CTIF: variants seen among roughly 807,000 people sequenced by gnomAD.
CTIF encodes the protein CBP80/20-dependent translation initiation factor.
CTIF carries 21 observed loss-of-function variants against 66.0 expected under a neutral mutation model. That is an observed-to-expected ratio of 0.32 (90% CI 0.23 to 0.46). The LOEUF (loss-of-function observed/expected upper bound fraction) is 0.46. Among genes scored for constraint, CTIF ranks in the 20% least tolerant of loss-of-function variants. CTIF has a pLI of 1.00. For synonymous variants in CTIF, 345 were observed against 326.4 expected, an observed-to-expected ratio of 1.06 and a Z score of -0.62; for missense variants, 739 against 812.7, an observed-to-expected ratio of 0.91 and a Z score of 1.10.
At chr18:48,853,935 T>G (rs1474638496) in intron 10 of CTIF, among the ~76,000 whole-genome samples, 1 of 152,210 alleles carries the variant, frequency 6.6e-6, no homozygotes, top group African/African-American at 2.4e-5. Context: ...ATGCCCAGAT[T>G]AAAACTTTGG....
At chr18:48,787,661 G>A (rs893309626) in intron 9 of CTIF, among the ~76,000 whole-genome samples, 4 of 152,144 alleles carry the variant, frequency 2.6e-5, no homozygotes, top group Non-Finnish European at 4.4e-5. Context: ...GAAGAGGCAG[G>A]GTGTGTGTCA....
intron 1 of CTIF, among the ~76,000 whole-genome samples, chr18:48,547,399 G>A (rs530931277): frequency 9.2e-5 from 14 of 152,276 alleles, no homozygotes; most frequent in Admixed American, 4.6e-4. Context: ...GCACTACATT[G>A]TCTTCCCATG....
intron 6 of CTIF, among the ~76,000 whole-genome samples, chr18:48,674,724 G>C (rs1158656638): frequency 6.6e-6 from 1 of 152,200 alleles, no homozygotes; most frequent in African/African-American, 2.4e-5. Flanking sequence ...AGGATGTGGG[G>C]CAACAGGGTA....
intron 3 of CTIF, among the ~76,000 whole-genome samples, chr18:48,661,524 G>C (rs1419385207): frequency 6.6e-6 from 1 of 152,084 alleles, no homozygotes; most frequent in African/African-American, 2.4e-5. Flanking sequence ...CCCCTTGGGG[G>C]TTGTGTGATA....
intron 9 of CTIF, among the ~76,000 whole-genome samples, chr18:48,800,058 A>C (rs1261052313): frequency 6.6e-6 from 1 of 152,252 alleles, no homozygotes; most frequent in African/African-American, 2.4e-5. Flanking sequence ...AAGGAGGTGC[A>C]TGTGCACCAG....
chr18:48,765,412 A>G (rs1278674724), intron 9 of CTIF, among the ~76,000 whole-genome samples: 1 of 152,050 alleles, frequency 6.6e-6, no homozygotes, highest in African/African-American at 2.4e-5. Context: ...GCCCCGGCTT[A>G]GCAATGCAGG....
rs1047856931 is a variant in CTIF at position 48,752,614 on chromosome 18, G to A, written c.585-5305G>A. Among the ~76,000 whole-genome samples, 6 of 152,148 alleles carry A rather than the reference G, an allele frequency of 3.9e-5. No individual in the cohort carries two copies. In the East Asian group the frequency reaches 1.2e-3, roughly 29 times the overall value. ...TGTGACTCATGTAATCCTTACAACT[G>A]CCCCTCAGGTGGGGACTGGCACATC... On this transcript the variant is annotated intron_variant, in intron 7 of 11. Coordinates refer to ENST00000256413, the MANE Select transcript of CTIF (RefSeq NM_014772.3).
chr18:48,715,813 G>A (rs572555989), intron 7 of CTIF, among the ~76,000 whole-genome samples: 1 of 152,356 alleles, frequency 6.6e-6, no homozygotes, highest in East Asian at 1.9e-4. Flanking sequence ...AAAAGAGGAA[G>A]TGGTATCAGC....
At chr18:48,561,513 C>T (rs2089163746) in intron 1 of CTIF, among the ~76,000 whole-genome samples, 1 of 152,158 alleles carries the variant, frequency 6.6e-6, no homozygotes. Flanking sequence ...AGACCCTTCT[C>T]AGAGAAACTC....
chr18:48,712,156 G>T (rs1039995392), intron 7 of CTIF, among the ~76,000 whole-genome samples: 4 of 152,144 alleles, frequency 2.6e-5, no homozygotes, highest in Non-Finnish European at 2.9e-5. Flanking sequence ...TCCCTCATGC[G>T]TGCTGGCTCT....
intron 1 of CTIF, among the ~76,000 whole-genome samples, chr18:48,541,053 C>G (rs1362462349): frequency 6.6e-6 from 1 of 152,180 alleles, no homozygotes; most frequent in Non-Finnish European, 1.5e-5. Flanking sequence ...GGTTTGGCTG[C>G]GCCGCCCCCA....
At chr18:48,764,800 G>T (rs373800065) in intron 9 of CTIF, among the ~76,000 whole-genome samples, 1 of 152,200 alleles carries the variant, frequency 6.6e-6, no homozygotes, top group Admixed American at 6.5e-5. Context: ...CATGTGAGCC[G>T]AGGAGGGAGC....
intron 9 of CTIF, among the ~76,000 whole-genome samples, chr18:48,798,945 G>A (rs1363475099): frequency 6.6e-6 from 1 of 152,198 alleles, no homozygotes; most frequent in Non-Finnish European, 1.5e-5. Flanking sequence ...GAAAATGTCA[G>A]TAGTGCCAAG....
intron 1 of CTIF, among the ~76,000 whole-genome samples, chr18:48,591,664 C>T (rs1036873954): frequency 1.3e-5 from 2 of 152,242 alleles, no homozygotes; most frequent in African/African-American, 4.8e-5. Flanking sequence ...CTTGTAACCC[C>T]ATTTTACAGA....
At chr18:48,715,168 C>T (rs141294030) in intron 7 of CTIF, among the ~76,000 whole-genome samples, 1 of 152,232 alleles carries the variant, frequency 6.6e-6, no homozygotes, top group East Asian at 1.9e-4. Context: ...GGAAGGAGGC[C>T]CCTTCAGAGT....
intron 7 of CTIF, among the ~76,000 whole-genome samples, chr18:48,745,998 C>T (rs979054365): frequency 5.9e-5 from 9 of 152,228 alleles, no homozygotes; most frequent in Non-Finnish European, 1.2e-4. Flanking sequence ...ACAAGCGAAC[C>T]TGTCAGTAAT....
At chr18:48,828,405 A>G (rs1207216986) in intron 10 of CTIF, among the ~76,000 whole-genome samples, 2 of 152,150 alleles carry the variant, frequency 1.3e-5, no homozygotes, top group Non-Finnish European at 2.9e-5. Context: ...TATAGCAGGG[A>G]GCAGTTTTTC....
intron 10 of CTIF, among the ~76,000 whole-genome samples, chr18:48,843,380 C>T (rs1179284419): frequency 6.6e-6 from 1 of 152,136 alleles, no homozygotes; most frequent in South Asian, 2.1e-4. Flanking sequence ...CCATCCTGTT[C>T]CCTGCGGAGT....
chr18:48,574,659 G>T (rs1199870006), intron 1 of CTIF, among the ~76,000 whole-genome samples: 4 of 152,190 alleles, frequency 2.6e-5, no homozygotes, highest in African/African-American at 9.7e-5. Flanking sequence ...GCTTCCCTCA[G>T]AACAGAAAAG....
Sources: allele counts gnomAD v4.1 joint callset (sites outside exome capture counted in the v4.1 genomes callset), GRCh38; gene constraint gnomAD v4.1.1; transcripts MANE v1.5; gene names NCBI Gene and HGNC (gene_info 2026-07-23, HGNC 2026-07-21).